The following BPTF variants were observed in gnomAD, a reference collection of about 807,000 sequenced individuals.
The protein encoded by BPTF is bromodomain PHD finger transcription factor, also known as nucleosome-remodeling factor subunit BPTF.
In BPTF, 18 loss-of-function variants were observed where a neutral mutation model predicts 292.5. That is an observed-to-expected ratio of 0.06 (90% CI 0.04 to 0.09). The LOEUF is 0.09. Ranked by LOEUF, BPTF falls within the 10% of genes least tolerant of loss-of-function variation. The pLI is 1.00. For missense variants in BPTF, 2,726 were observed against 3,498.7 expected (o/e 0.78, Z 5.57); for synonymous variants, 1,225 against 1,251.9 (o/e 0.98, Z 0.45).
intron 24 of BPTF, 41 bp downstream of exon 24, chr17:67,959,916 G>T (rs1555683212): frequency 7.2e-7 from 1 of 1,393,562 alleles, no homozygotes; most frequent in Non-Finnish European, 9.7e-7. Context: ...TGTCTTGAAA[G>T]TTTAGCTATT....
At position 67,917,131 on chromosome 17, in the gene BPTF, C is replaced by CTTTTTTTTTTTTTTTTTTTTT. The variant is rs943348736; in HGVS notation, c.5304-1564_5304-1563insTTTTTTTTTTTTTTTTTTTTT. ...GATAAGTAACTAATATGGTATTGTCCTTTTTTTTTTTTTTTTTTTGAGATA... is the reference window on the plus strand; with the variant it reads ...GATAAGTAACTAATATGGTATTGTCCTTTTTTTTTTTTTTTTTTTTTTTTTTTTTTTTTTTTTTTTGAGATA... On this transcript the variant is annotated intron_variant, in intron 11 of 27. Transcript: ENST00000306378. 6.9e-4 allele frequency among the ~76,000 whole-genome samples: 73 copies of CTTTTTTTTTTTTTTTTTTTTT among 105,778 alleles called. 5 individuals are homozygous for CTTTTTTTTTTTTTTTTTTTTT. The highest frequency in any genetic ancestry group is 2.0e-3 in the East Asian group (5 of 2,450). The allele number at this position is 105,778 out of a possible 152,430, so 69.4% of individuals were successfully genotyped here.
rs768736219 is a variant in BPTF at position 67,932,010 on chromosome 17, G to C, written c.6250G>C (p.Val2084Leu). 4 of 1,610,704 alleles carry C rather than the reference G, an allele frequency of 2.5e-6. No homozygotes were observed. The highest frequency in any genetic ancestry group is 2.5e-6 in the Non-Finnish European group (3 of 1,177,270). ...GKAIIRTPVMVQPGAPQQVMT... is the reference protein window; with the variant it reads ...GKAIIRTPVMLQPGAPQQVMT... Reference sequence around the variant, plus strand: ...GGCAATTATTCGAACACCTGTGATGGTACAGCCAGGTATTTATCCATCCAG... The same window carrying C: ...GGCAATTATTCGAACACCTGTGATGCTACAGCCAGGTATTTATCCATCCAG... Residue 2084 changes from valine to leucine, a missense_variant, in exon 18 of 28, where the codon GTA (valine) becomes CTA (leucine). Val to Leu is a conservative substitution (Grantham distance 32). Around this residue, in one of 22 missense-constraint regions of BPTF, gnomAD observed 570 missense variants for 633.5 expected, o/e 0.90. Coordinates refer to ENST00000306378, the MANE Select transcript of BPTF (RefSeq NM_182641.4).
In BPTF at chr17:67,946,243, A is replaced by G. The variant is rs782691018; in HGVS notation, c.7535A>G (p.Gln2512Arg). 6.2e-7 allele frequency: 1 copy of G among 1,614,260 alleles called. No individual in the cohort carries two copies. Residue 2512 changes from glutamine to arginine, a missense_variant, in exon 21 of 28, where the codon CAA becomes CGA. Around this residue, in one of 22 missense-constraint regions of BPTF, gnomAD observed 570 missense variants for 633.5 expected, o/e 0.90. Transcript: ENST00000306378. ...GTTCAGCAACTCAGGGATCAGCAGC[A>G]AAAGAAGAAACAGCAACAGATAGAA... ...QRVQQLRDQQ[Q>R]KKKQQQIEIK...
chr17:67,946,385 G>A (rs894288466), intron 21 of BPTF, 60 bp downstream of exon 21: 47 of 1,562,182 alleles, frequency 3.0e-5, no homozygotes, highest in Non-Finnish European at 4.0e-5. Context: ...CTGTGCAGTA[G>A]AATTAGTGTT....
At chr17:67,956,250 C>T (rs2066923378) in intron 23 of BPTF, 1 of 136,462 alleles carries the variant, frequency 7.3e-6, no homozygotes, top group Admixed American at 8.6e-5. Context: ...ACCCGGGAGG[C>T]GGAGCTTGCA....
At position 67,948,257 on chromosome 17, in the gene BPTF, T is replaced by C; in HGVS notation, c.7877T>C (p.Ile2626Thr). The C allele has an allele frequency of 1.2e-6, 2 of 1,614,018 alleles. No homozygotes were observed. The highest frequency in any genetic ancestry group is 1.7e-6 in the Non-Finnish European group (2 of 1,180,028). ...FKHKEQLRAE[I>T]LKKRALLDKD... ...CACAAAGAGCAGCTCAGAGCCGAGA[T>C]CCTGAAGAAGAGAGCACTCCTGGAC... The change falls in exon 23 of 28, where the codon ATC becomes ACC. Residue 2626 changes from isoleucine to threonine, a missense_variant. By Grantham distance (89) the Ile-to-Thr change is moderately conservative. This residue lies in a region of BPTF where 148 missense variants were observed against 145.5 expected (regional missense o/e 1.02). Coordinates refer to ENST00000306378, the MANE Select transcript of BPTF (RefSeq NM_182641.4).
chr17:67,893,983 A>G, intron 6 of BPTF, 51 bp from the exon 7 acceptor site: 1 of 1,596,112 alleles, frequency 6.3e-7, no homozygotes, highest in Non-Finnish European at 8.6e-7. Flanking sequence ...TGTGCTTTTA[A>G]TTTAAGGTCA....
At chr17:67,866,374 C>T in intron 2 of BPTF, 90 bp from the exon 3 acceptor site, 1 of 1,025,700 alleles carries the variant, frequency 9.7e-7, no homozygotes, top group Non-Finnish European at 1.5e-6. Flanking sequence ...AGTGCATAAG[C>T]TTTGTTTTAA....
chr17:67,924,767 T>C (rs1440972245), intron 15 of BPTF, among the ~76,000 whole-genome samples, 178 bp downstream of exon 15: 2 of 152,006 alleles, frequency 1.3e-5, no homozygotes, highest in Non-Finnish European at 2.9e-5. Flanking sequence ...TTCTTGTGGG[T>C]TTTGGTGTTT....
intron 1 of BPTF, among the ~76,000 whole-genome samples, chr17:67,839,663 T>C (rs1214726123): frequency 1.3e-5 from 2 of 152,244 alleles, no homozygotes; most frequent in African/African-American, 4.8e-5. Context: ...CAGTCCCTTA[T>C]ATGAGTGTAT....
In BPTF at chr17:67,891,837, T is replaced by C. The variant is rs2061136866; in HGVS notation, c.1865-7T>C. On this transcript the variant is annotated splice_polypyrimidine_tract_variant and splice_region_variant and intron_variant, in intron 4 of 27. Coordinates refer to ENST00000306378, the MANE Select transcript of BPTF (RefSeq NM_182641.4). ...AGCAATTGCTTTGTGGCCTATTCAT[T>C]TGACAGTAGGTGATTTCAAATCGGA... The C allele has an allele frequency of 6.4e-7, 1 of 1,570,384 alleles. No individual in the cohort carries two copies. The highest frequency in any genetic ancestry group is 1.4e-5 in the African/African-American group (1 of 72,842).
At chr17:67,963,259 A>G (rs1469498617) in intron 24 of BPTF, 2 of 1,401,756 alleles carry the variant, frequency 1.4e-6, no homozygotes, top group East Asian at 2.6e-5. Flanking sequence ...GAATCAAGGC[A>G]GGGAAGACAG....
intron 26 of BPTF, 116 bp from the exon 27 acceptor site, chr17:67,975,656 G>C (rs1247015398): frequency 1.2e-6 from 1 of 847,050 alleles, no homozygotes; most frequent in Non-Finnish European, 1.7e-6. Flanking sequence ...GGGTGAACCA[G>C]CCTGGCTCCA....
At chr17:67,942,561 C>T (rs1312210341) in intron 19 of BPTF, among the ~76,000 whole-genome samples, 1 of 152,110 alleles carries the variant, frequency 6.6e-6, no homozygotes, top group Non-Finnish European at 1.5e-5. Context: ...TTGGAAACTT[C>T]CTGGACATGG....
In BPTF at chr17:67,928,439, G is replaced by C. The variant is rs1175987252; in HGVS notation, c.5836G>C (p.Ala1946Pro). The C allele has an allele frequency of 6.2e-7, 1 of 1,614,164 alleles. No homozygotes were observed. Among genetic ancestry groups the C allele is most frequent in the Non-Finnish European group, 8.5e-7 (1 of 1,180,018 alleles). Residue 1946 changes from alanine to proline, a missense_variant, in exon 16 of 28, where the codon GCA becomes CCA. By Grantham distance (27) the Ala-to-Pro change is conservative. Around this residue, in one of 22 missense-constraint regions of BPTF, gnomAD observed 198 missense variants for 277.1 expected, o/e 0.71. Transcript: ENST00000306378. The stretch of plus-strand genomic sequence containing the variant: ...CAGTACAACCAGCACCATCTCTCCA[G>C]CACAGAAGGTTATGGTGGCCCCCAT... ...TSSTTSTISP[A>P]QKVMVAPISG... is the part of the protein sequence containing the mutation.
intron 15 of BPTF, 113 bp from the exon 16 acceptor site, chr17:67,928,242 A>C: frequency 8.7e-7 from 1 of 1,146,886 alleles, no homozygotes; most frequent in Non-Finnish European, 1.2e-6. Flanking sequence ...ATACTTCAGA[A>C]ATGTAGTGGA....
chr17:67,866,681 G>A lies in BPTF; in HGVS notation c.1654G>A (p.Ala552Thr). The change falls in exon 3 of 28, where the codon GCT becomes ACT. Residue 552 changes from alanine (A) to threonine (T), a missense_variant. Ala to Thr is a moderately conservative substitution (Grantham distance 58). This residue lies in a region of BPTF where 187 missense variants were observed against 201.5 expected (regional missense o/e 0.93). Coordinates refer to ENST00000306378, the MANE Select transcript of BPTF (RefSeq NM_182641.4). ...CAGTAACAAATCCTTTCTGGCGGCA[G>A]CTAATGGTGAGAGGGGCATTTTCTC... ...RGSNKSFLAA[A>T]NEEILESIRA... is the part of the protein sequence containing the mutation. 5.6e-6 allele frequency: 9 copies of A among 1,612,252 alleles called. No homozygotes were observed. Among genetic ancestry groups the A allele is most frequent in the Non-Finnish European group, 7.6e-6 (9 of 1,178,464 alleles).
At chr17:67,908,609 C>T (rs1389704125) in intron 9 of BPTF, among the ~76,000 whole-genome samples, 1 of 150,574 alleles carries the variant, frequency 6.6e-6, no homozygotes, top group Non-Finnish European at 1.5e-5. Context: ...TCTCCTGCCT[C>T]AGCCTCCTGA....
intron 3 of BPTF, among the ~76,000 whole-genome samples, chr17:67,870,366 TTTTGGGTGCCTCCTG>T (rs1167956316): frequency 6.6e-6 from 1 of 152,008 alleles, no homozygotes; most frequent in Non-Finnish European, 1.5e-5. Context: ...ACACGGACAT[TTTTGGGTGCCTCCTG>T]TGGGCCAGGT....
Sources: allele counts gnomAD v4.1 joint callset (sites outside exome capture counted in the v4.1 genomes callset), GRCh38; gene constraint gnomAD v4.1.1; regional missense constraint gnomAD v4.1.1; transcripts MANE v1.5; gene names NCBI Gene and HGNC (gene_info 2026-07-23, HGNC 2026-07-21).